Variants in XKR4 observed in about 807,000 individuals in gnomAD.
XKR4 encodes the protein XK related 4.
XKR4 carries 12 observed loss-of-function variants against 53.9 expected under a neutral mutation model. The observed-to-expected ratio is 0.22, with a 90% CI of 0.14 to 0.36. The LOEUF (loss-of-function observed/expected upper bound fraction) is 0.36, where lower values mean the gene tolerates loss of function less well. XKR4 is among the 10% of genes least tolerant of loss of function. The probability of loss-of-function intolerance (pLI) is 1.00; values close to 1 mark genes in which losing one functional copy is unlikely to be tolerated. For missense variants in XKR4, 799 were observed against 859.5 expected (o/e 0.93, Z 0.88); for synonymous variants, 354 against 362.4 (o/e 0.98, Z 0.26).
chr8:55,200,260 G>T (rs987459689), intron 1 of XKR4, among the ~76,000 whole-genome samples: 1 of 152,054 alleles, frequency 6.6e-6, no homozygotes, highest in Admixed American at 6.5e-5. Flanking sequence ...TAGAGACGGG[G>T]TTTCACCATG....
intron 2 of XKR4, among the ~76,000 whole-genome samples, chr8:55,444,912 T>G (rs1013181050): frequency 2.0e-5 from 3 of 152,214 alleles, no homozygotes; most frequent in African/African-American, 7.2e-5. Flanking sequence ...TCTATAATTA[T>G]GTATGGCAAA....
intron 1 of XKR4, among the ~76,000 whole-genome samples, chr8:55,269,273 C>CT (rs573990430): frequency 2.2e-4 from 33 of 147,350 alleles, no homozygotes; most frequent in African/African-American, 5.4e-4. Flanking sequence ...CTCACTCTCT[C>CT]TTTTTTTTTT....
chr8:55,293,807 C>T (rs530450488), intron 1 of XKR4, among the ~76,000 whole-genome samples: 4 of 152,090 alleles, frequency 2.6e-5, no homozygotes, highest in Admixed American at 6.6e-5. Flanking sequence ...ATTGATTTGA[C>T]TCATTCTGTC....
intron 1 of XKR4, among the ~76,000 whole-genome samples, chr8:55,260,264 C>T (rs1356854545): frequency 6.6e-6 from 1 of 152,212 alleles, no homozygotes; most frequent in Non-Finnish European, 1.5e-5. Flanking sequence ...ACTACCTCCC[C>T]TTTTTTATAA....
At chr8:55,284,560 G>T (rs1477337731) in intron 1 of XKR4, among the ~76,000 whole-genome samples, 2 of 152,158 alleles carry the variant, frequency 1.3e-5, no homozygotes, top group African/African-American at 4.8e-5. Flanking sequence ...CATCTCCATA[G>T]GTCTACTTGA....
intron 1 of XKR4, among the ~76,000 whole-genome samples, chr8:55,145,830 T>C (rs997067234): frequency 6.6e-6 from 1 of 152,224 alleles, no homozygotes; most frequent in African/African-American, 2.4e-5. Context: ...AGATGCAAAA[T>C]GAATGCATAG....
intron 1 of XKR4, among the ~76,000 whole-genome samples, chr8:55,299,756 C>A (rs977978276): frequency 6.6e-6 from 1 of 152,164 alleles, no homozygotes; most frequent in South Asian, 2.1e-4. Flanking sequence ...ATGTCAGGTG[C>A]CTGATCCTCT....
intron 2 of XKR4, among the ~76,000 whole-genome samples, chr8:55,367,947 G>GTTTTGT (rs1326264860): frequency 1.3e-5 from 2 of 151,878 alleles, no homozygotes; most frequent in South Asian, 2.1e-4. Context: ...GATGCGTTTT[G>GTTTTGT]TTTTGTTTTT....
chr8:55,393,663 G>GT, intron 2 of XKR4, among the ~76,000 whole-genome samples: 1 of 152,284 alleles, frequency 6.6e-6, no homozygotes, highest in Middle Eastern at 3.4e-3. Context: ...CAATACAGTT[G>GT]TAGGCAGCAT....
At chr8:55,170,917 C>G (rs1225929989) in intron 1 of XKR4, among the ~76,000 whole-genome samples, 1 of 152,186 alleles carries the variant, frequency 6.6e-6, no homozygotes, top group Non-Finnish European at 1.5e-5. Flanking sequence ...AGTCTCTCCC[C>G]CTCCCTTCTT....
intron 2 of XKR4, among the ~76,000 whole-genome samples, chr8:55,442,754 T>C (rs536631067): frequency 6.6e-6 from 1 of 152,354 alleles, no homozygotes. Flanking sequence ...TCCATTTATA[T>C]GAATTGTCCA....
chr8:55,310,522 C>T (rs1033095813), intron 1 of XKR4, among the ~76,000 whole-genome samples: 1 of 152,142 alleles, frequency 6.6e-6, no homozygotes, highest in Non-Finnish European at 1.5e-5. Flanking sequence ...TCTAAAGATT[C>T]AAATTATTCT....
chr8:55,515,929 G>T (rs964181568), intron 2 of XKR4, among the ~76,000 whole-genome samples: 3 of 152,208 alleles, frequency 2.0e-5, no homozygotes, highest in Non-Finnish European at 4.4e-5. Context: ...TCATGCTCTG[G>T]TTGTTGGTGA....
At chr8:55,246,362 A>G (rs570894426) in intron 1 of XKR4, among the ~76,000 whole-genome samples, 4 of 152,324 alleles carry the variant, frequency 2.6e-5, no homozygotes, top group South Asian at 2.1e-4. Flanking sequence ...AGAAGAGCTT[A>G]TCACAAGGCA....
Position 55,464,483 on chromosome 8 carries a change from A to T in XKR4, c.1007-58798A>T, listed in dbSNP as rs531626746. 7.4e-4 allele frequency among the ~76,000 whole-genome samples: 112 copies of T among 152,262 alleles called. 1 individual carries two copies. The highest frequency in any genetic ancestry group is 2.5e-3 in the African/African-American group (105 of 41,512). ...GTATTGATGGGACGTATCTCAAAAT[A>T]ATAAGAGCTATCTATGACAAACCCA... is the stretch of plus-strand genomic sequence containing the variant. On this transcript the variant is annotated intron_variant, in intron 2 of 2. Transcript: ENST00000327381.
chr8:55,163,020 C>A (rs1817007909), intron 1 of XKR4, among the ~76,000 whole-genome samples: 1 of 152,108 alleles, frequency 6.6e-6, no homozygotes, highest in African/African-American at 2.4e-5. Context: ...TGTCACCATG[C>A]AGAGAAAGAT....
chr8:55,122,439 A>G (rs1252336269), intron 1 of XKR4, among the ~76,000 whole-genome samples: 1 of 152,220 alleles, frequency 6.6e-6, no homozygotes, highest in Non-Finnish European at 1.5e-5. Context: ...GAATGACACT[A>G]AAACCTTATT....
At chr8:55,186,742 T>G (rs1817383982) in intron 1 of XKR4, among the ~76,000 whole-genome samples, 1 of 152,206 alleles carries the variant, frequency 6.6e-6, no homozygotes, top group African/African-American at 2.4e-5. Context: ...TTATATAGAA[T>G]ATATACTTTT....
At chr8:55,147,028 G>T (rs571657752) in intron 1 of XKR4, among the ~76,000 whole-genome samples, 1 of 152,298 alleles carries the variant, frequency 6.6e-6, no homozygotes, top group Non-Finnish European at 1.5e-5. Flanking sequence ...AAAATAATTT[G>T]GGCACTTTAT....
Sources: allele counts gnomAD v4.1 joint callset (sites outside exome capture counted in the v4.1 genomes callset), GRCh38; gene constraint gnomAD v4.1.1; transcripts MANE v1.5; gene names NCBI Gene and HGNC (gene_info 2026-07-23, HGNC 2026-07-21).